LETM1: variants seen among roughly 807,000 people sequenced by gnomAD.
LETM1 encodes the protein mitochondrial proton/calcium exchanger protein.
Under a neutral mutation model 74.5 loss-of-function variants are expected in LETM1, and 50 were observed. The observed-to-expected ratio is 0.67, with a 90% CI of 0.53 to 0.85. The LOEUF (loss-of-function observed/expected upper bound fraction) is 0.85, where lower values mean the gene tolerates loss of function less well. Among genes scored for constraint, LETM1 ranks in the 40% least tolerant of loss-of-function variants. The pLI is 0.00. For synonymous variants in LETM1, 446 were observed against 407.1 expected (o/e 1.10, Z -1.15); for missense variants, 824 against 967.8 (o/e 0.85, Z 1.97).
At chr4:1,832,036 C>T (rs1299914734) in intron 6 of LETM1, among the ~76,000 whole-genome samples, 1 of 152,224 alleles carries the variant, frequency 6.6e-6, no homozygotes, top group Non-Finnish European at 1.5e-5. Context: ...CACAGTGGCT[C>T]ATGCCTGTAA....
intron 2 of LETM1, among the ~76,000 whole-genome samples, chr4:1,844,759 C>T (rs994985565): frequency 2.0e-5 from 3 of 151,170 alleles, no homozygotes; most frequent in Non-Finnish European, 2.9e-5. Context: ...AAAAAAAATG[C>T]TCTATCAGCT....
In LETM1 at chr4:1,855,874, G is replaced by A; in HGVS notation, c.77C>T (p.Pro26Leu). 3 of 1,234,226 alleles carry A rather than the reference G, an allele frequency of 2.4e-6. No individual in the cohort carries two copies. The highest frequency in any genetic ancestry group is 3.0e-6 in the Non-Finnish European group (3 of 990,610). 76.5% of individuals were successfully genotyped at this position (1,234,226 alleles called of 1,614,324 possible). A position where few individuals can be genotyped will look rare whatever the true frequency, so the allele number is the denominator to read the frequency against. Reference sequence around the variant, plus strand: ...CTGGGGTGCCCGCCGCTTACCCCGCGGGACGGTGTACCGAGGCGGCGGCGG... The same window carrying A: ...CTGGGGTGCCCGCCGCTTACCCCGCAGGACGGTGTACCGAGGCGGCGGCGG... ...RLPPPPRYTV[P>L]RGSPGDPAHL... The change falls in exon 1 of 14, where the codon CCG becomes CTG. Residue 26 changes from proline to leucine, a missense_variant. Transcript: ENST00000302787.
intron 11 of LETM1, among the ~76,000 whole-genome samples, chr4:1,817,671 G>A (rs1560475859): frequency 6.6e-6 from 1 of 152,156 alleles, no homozygotes; most frequent in African/African-American, 2.4e-5. Context: ...TCTTATTTTT[G>A]TACACTGCCT....
intron 1 of LETM1, among the ~76,000 whole-genome samples, chr4:1,854,320 A>T (rs1577330563): frequency 6.6e-6 from 1 of 151,476 alleles, no homozygotes; most frequent in East Asian, 1.9e-4. Context: ...TCTCTACTAA[A>T]AATACAAAAA....
chr4:1,855,103 C>T (rs62286991), intron 1 of LETM1, among the ~76,000 whole-genome samples: 1 of 152,184 alleles, frequency 6.6e-6, no homozygotes, highest in Admixed American at 6.5e-5. Flanking sequence ...AGAAGGATAG[C>T]TTGAGCCCAG....
rs766942228 is a variant in LETM1 at position 1,825,595 on chromosome 4, G to A, written c.1169C>T (p.Thr390Met). 7.4e-6 allele frequency: 12 copies of A among 1,613,722 alleles called. No homozygotes were observed. The highest frequency in any genetic ancestry group is 6.8e-6 in the Non-Finnish European group (8 of 1,179,770). ...CAGCTGACCCCTCAGGCGGTCTTCC[G>A]TGACGCCCAGGGCCCGCATGCCTCG... is the stretch of plus-strand genomic sequence containing the variant. ...RARGMRALGV[T>M]EDRLRGQLKQ... The change falls in exon 7 of 14, where the codon ACG (threonine) becomes ATG (methionine). Residue 390 changes from threonine (T) to methionine (M), a missense_variant. By Grantham distance (81) the Thr-to-Met change is moderately conservative. Coordinates refer to ENST00000302787, the MANE Select transcript of LETM1 (RefSeq NM_012318.3).
rs200967769 is a variant in LETM1 at position 1,823,623 on chromosome 4, G to C, written c.1332+21C>G. ...CCACCTATGAAGAGATGAGGTAAAA[G>C]GGGTCTCCGACAGCACGTACCACAA... On this transcript the variant is annotated intron_variant, in intron 8 of 13. Transcript: ENST00000302787. 13 of 1,612,600 alleles carry C rather than the reference G, an allele frequency of 8.1e-6. No homozygotes were observed. The African/African-American group carries it at 1.7e-4, about 21-fold the overall frequency.
intron 6 of LETM1, among the ~76,000 whole-genome samples, chr4:1,828,852 G>A (rs1250255011): frequency 1.7e-5 from 2 of 114,834 alleles, no homozygotes; most frequent in African/African-American, 3.6e-5. Flanking sequence ...GCGGCTGGCC[G>A]GGCGGGAGGC....
Position 1,822,327 on chromosome 4 carries a change from G to T in LETM1, c.1477-15C>A. The T allele has an allele frequency of 1.4e-6, 2 of 1,477,978 alleles. No individual in the cohort carries two copies. Among genetic ancestry groups the T allele is most frequent in the Middle Eastern group, 1.8e-4 (1 of 5,512 alleles). 91.6% of individuals were successfully genotyped at this position (1,477,978 alleles called of 1,614,324 possible). A position where few individuals can be genotyped will look rare whatever the true frequency, so the allele number is the denominator to read the frequency against. On this transcript the variant is annotated splice_polypyrimidine_tract_variant and intron_variant, in intron 9 of 13. Coordinates refer to ENST00000302787, the MANE Select transcript of LETM1 (RefSeq NM_012318.3). ...TCAAAATCCTTCTGAAAGGCAAGGC[G>T]ACACCAGCCCAGCGCCCGCCATCAC...
chr4:1,843,869 T>C (rs193207648), intron 2 of LETM1, among the ~76,000 whole-genome samples: 2 of 152,304 alleles, frequency 1.3e-5, no homozygotes, highest in East Asian at 1.9e-4. Context: ...CCACACAGAA[T>C]GCAGCAGAGC....
intron 7 of LETM1, among the ~76,000 whole-genome samples, chr4:1,824,868 G>C (rs1342448552): frequency 3.9e-5 from 6 of 152,262 alleles, no homozygotes; most frequent in Non-Finnish European, 8.8e-5. Flanking sequence ...GTGGAAGGCA[G>C]GGGGTGCCAC....
At chr4:1,827,928 C>CG (rs1712061209) in intron 6 of LETM1, among the ~76,000 whole-genome samples, 1 of 148,662 alleles carries the variant, frequency 6.7e-6, no homozygotes, top group Non-Finnish European at 1.5e-5. Flanking sequence ...GGCTGACCCC[C>CG]CAACCTCCCT....
chr4:1,838,299 C>T (rs949153323), intron 3 of LETM1, among the ~76,000 whole-genome samples: 6 of 151,746 alleles, frequency 4.0e-5, no homozygotes, highest in East Asian at 2.0e-4. Flanking sequence ...AGGGTTTCAC[C>T]GTGTTGGCCA....
At chr4:1,837,699 G>GC (rs1404364598) in intron 3 of LETM1, among the ~76,000 whole-genome samples, 1 of 125,762 alleles carries the variant, frequency 8.0e-6, no homozygotes, top group Non-Finnish European at 1.7e-5. Context: ...AAATTTACAA[G>GC]TTTTTTTTTT....
intron 2 of LETM1, 133 bp downstream of exon 2, chr4:1,849,016 G>T: frequency 3.0e-6 from 2 of 676,774 alleles, no homozygotes; most frequent in Non-Finnish European, 5.4e-6. Flanking sequence ...AAAGATAAAG[G>T]TTTAAAAGAA....
At chr4:1,829,386 G>C (rs925776609) in intron 6 of LETM1, among the ~76,000 whole-genome samples, 1 of 151,764 alleles carries the variant, frequency 6.6e-6, no homozygotes, top group Non-Finnish European at 1.5e-5. Flanking sequence ...GCGGCTGGCC[G>C]GGCGGGGGGC....
intron 9 of LETM1, 70 bp from the exon 10 acceptor site, chr4:1,822,382 T>C (rs1711813500): frequency 2.2e-6 from 3 of 1,356,230 alleles, no homozygotes; most frequent in Non-Finnish European, 2.9e-6. Flanking sequence ...TCCCCGAAGC[T>C]CAGAACATAT....
intron 6 of LETM1, among the ~76,000 whole-genome samples, chr4:1,832,250 C>T (rs534349221): frequency 3.3e-5 from 5 of 151,978 alleles, no homozygotes; most frequent in East Asian, 1.9e-4. Context: ...TGCAGTGAGT[C>T]GAGATCTCGC....
Position 1,856,117 on chromosome 4 carries a change from G to A in LETM1, c.-167C>T, listed in dbSNP as rs940973186. 4.4e-5 allele frequency: 16 copies of A among 363,556 alleles called. No homozygotes were observed. Among genetic ancestry groups the A allele is most frequent in the Non-Finnish European group, 6.1e-5 (13 of 211,416 alleles). 22.5% of individuals were successfully genotyped at this position (363,556 alleles called of 1,614,324 possible). On this transcript the variant is annotated 5_prime_UTR_variant, in exon 1 of 14. Coordinates refer to ENST00000302787, the MANE Select transcript of LETM1 (RefSeq NM_012318.3). Reference sequence around the variant, plus strand: ...CTCTCCTCAAGGACCCGGCACCAGCGGCGGCCTTGTCCCGGCACAGACGTC... The same window carrying A: ...CTCTCCTCAAGGACCCGGCACCAGCAGCGGCCTTGTCCCGGCACAGACGTC...
Sources: gnomAD v4.1 joint callset for allele counts (sites outside exome capture counted in the v4.1 genomes callset) on GRCh38, gnomAD v4.1.1 for gene constraint, MANE v1.5 for transcripts, NCBI Gene and HGNC (gene_info 2026-07-23, HGNC 2026-07-21) for gene names.